The following MARCHF1 variants were observed in gnomAD, a reference collection of about 807,000 sequenced individuals.
The protein encoded by MARCHF1 is E3 ubiquitin-protein ligase MARCHF1.
MARCHF1 carries 40 observed loss-of-function variants against 54.2 expected under a neutral mutation model. The ratio of observed to expected loss-of-function variants is 0.74; its 90% CI spans 0.57 to 0.96. The LOEUF (loss-of-function observed/expected upper bound fraction) is 0.96. MARCHF1 is among the 40% of genes least tolerant of loss of function. MARCHF1 has a pLI of 0.00. For missense variants in MARCHF1, 586 were observed against 656.5 expected (o/e 0.89, Z 1.17); for synonymous variants, 236 against 236.3 (o/e 1.00, Z 0.01).
At chr4:164,055,745 A>T (rs1404474964) in intron 2 of MARCHF1, among the ~76,000 whole-genome samples, 1 of 152,200 alleles carries the variant, frequency 6.6e-6, no homozygotes, top group Non-Finnish European at 1.5e-5. Context: ...TAGATGCTCT[A>T]CAGTAAAATG....
chr4:164,330,008 A>T (rs1282714109), intron 1 of MARCHF1: 1 of 152,202 alleles, frequency 6.6e-6, no homozygotes, highest in Non-Finnish European at 1.5e-5. Context: ...TGCCAGCTAC[A>T]AGTTACCAGA....
chr4:163,956,868 T>C (rs1158761265), intron 3 of MARCHF1, among the ~76,000 whole-genome samples: 3 of 152,100 alleles, frequency 2.0e-5, no homozygotes, highest in African/African-American at 4.8e-5. Flanking sequence ...GTGATAGTTA[T>C]ACATTTAGTC....
intron 3 of MARCHF1, among the ~76,000 whole-genome samples, chr4:163,975,876 G>A (rs1035158987): frequency 6.6e-6 from 1 of 152,088 alleles, no homozygotes; most frequent in Non-Finnish European, 1.5e-5. Flanking sequence ...TGATACACAG[G>A]AAGCCCATAC....
At chr4:163,996,477 G>A (rs1021393452) in intron 2 of MARCHF1, among the ~76,000 whole-genome samples, 11 of 151,946 alleles carry the variant, frequency 7.2e-5, no homozygotes, top group Admixed American at 5.9e-4. Flanking sequence ...AACTACGTAT[G>A]GGCATAGCCA....
chr4:163,950,012 G>C (rs1579415772), intron 3 of MARCHF1, among the ~76,000 whole-genome samples: 1 of 152,170 alleles, frequency 6.6e-6, no homozygotes, highest in East Asian at 1.9e-4. Context: ...GGAAGTGTGT[G>C]CTGATTGGTC....
chr4:163,542,607 T>G (rs969989174), intron 9 of MARCHF1, among the ~76,000 whole-genome samples: 29 of 152,188 alleles, frequency 1.9e-4, no homozygotes, highest in Admixed American at 3.3e-4. Context: ...GGAGGGTAAA[T>G]GCAGGATGCT....
At chr4:163,544,550 C>T (rs959946860) in intron 9 of MARCHF1, among the ~76,000 whole-genome samples, 4 of 152,164 alleles carry the variant, frequency 2.6e-5, no homozygotes, top group Admixed American at 2.0e-4. Context: ...TTGAAATGCT[C>T]AGGGCGGTGC....
intron 4 of MARCHF1, among the ~76,000 whole-genome samples, chr4:163,804,868 C>T (rs1015177096): frequency 6.6e-6 from 1 of 152,192 alleles, no homozygotes; most frequent in Admixed American, 6.6e-5. Flanking sequence ...ATGTACTACT[C>T]TCATTGTTCT....
At chr4:163,999,716 A>G (rs1486936123) in intron 2 of MARCHF1, among the ~76,000 whole-genome samples, 1 of 151,608 alleles carries the variant, frequency 6.6e-6, no homozygotes, top group Non-Finnish European at 1.5e-5. Flanking sequence ...GAGCCAACTC[A>G]TATCTGCCAA....
chr4:164,341,325 T>TTTC (rs1729922930), intron 1 of MARCHF1, among the ~76,000 whole-genome samples: 1 of 150,848 alleles, frequency 6.6e-6, no homozygotes, highest in Non-Finnish European at 1.5e-5. Context: ...GCTGAAAGCC[T>TTTC]TTCTTCTAAG....
At chr4:163,782,490 G>A (rs1352828525) in intron 4 of MARCHF1, among the ~76,000 whole-genome samples, 2 of 151,956 alleles carry the variant, frequency 1.3e-5, no homozygotes, top group African/African-American at 4.8e-5. Context: ...GGCCAATATA[G>A]TGAAACCCCG....
In MARCHF1 at chr4:164,001,372, C is replaced by A. The variant is rs548850726; in HGVS notation, c.-247-12663G>T. 4.1e-4 allele frequency among the ~76,000 whole-genome samples: 62 copies of A among 151,776 alleles called. 1 individual carries two copies. The highest frequency in any genetic ancestry group is 7.7e-4 in the Non-Finnish European group (52 of 67,768). On this transcript the variant is annotated intron_variant, in intron 2 of 9. Coordinates refer to ENST00000514618, the MANE Select transcript of MARCHF1 (RefSeq NM_001394959.1). ...AAACACCTAGGAAGAGAATGGAAAT[C>A]ATAAAATCAGGTAATAATATAAGAG... is the stretch of plus-strand genomic sequence containing the variant.
intron 2 of MARCHF1, among the ~76,000 whole-genome samples, chr4:164,084,110 C>A (rs1237832861): frequency 6.6e-6 from 1 of 151,884 alleles, no homozygotes; most frequent in Non-Finnish European, 1.5e-5. Context: ...ATTTCATAGG[C>A]AAACAAATCG....
intron 2 of MARCHF1, among the ~76,000 whole-genome samples, chr4:164,033,927 T>C (rs1232957720): frequency 6.6e-6 from 1 of 152,170 alleles, no homozygotes; most frequent in Non-Finnish European, 1.5e-5. Context: ...TTACTGGGTA[T>C]ATACCCAAAG....
At chr4:163,804,105 G>A (rs1748160210) in intron 4 of MARCHF1, among the ~76,000 whole-genome samples, 1 of 152,184 alleles carries the variant, frequency 6.6e-6, no homozygotes, top group Admixed American at 6.5e-5. Flanking sequence ...GAAATGATCT[G>A]TTAAAGAACT....
Position 163,592,767 on chromosome 4 carries a change from C to T in MARCHF1, c.1011-6838G>A, listed in dbSNP as rs140579931. ...TTCTGCTTGGGACTGAGGATTCCCA[C>T]TGAGATTCTATTATCATCTAGCCTA... On this transcript the variant is annotated intron_variant, in intron 7 of 9. Coordinates refer to ENST00000514618, the MANE Select transcript of MARCHF1 (RefSeq NM_001394959.1). Among the ~76,000 whole-genome samples, 252 of 152,168 alleles carry T rather than the reference C, an allele frequency of 1.7e-3. 1 individual carries two copies. Among genetic ancestry groups the T allele is most frequent in the African/African-American group, 5.6e-3 (232 of 41,526 alleles).
intron 3 of MARCHF1, among the ~76,000 whole-genome samples, chr4:163,929,731 ACTC>A (rs917543303): frequency 6.7e-6 from 1 of 149,506 alleles, no homozygotes; most frequent in African/African-American, 2.5e-5. Context: ...ATAACCATCT[ACTC>A]CTCAGGTTAA....
chr4:164,210,160 G>T (rs1397572157), intron 1 of MARCHF1, among the ~76,000 whole-genome samples: 1 of 152,132 alleles, frequency 6.6e-6, no homozygotes, highest in African/African-American at 2.4e-5. Flanking sequence ...TCACTGGAAA[G>T]AGGCAAAAGT....
At chr4:163,791,049 CAAT>C (rs1747761591) in intron 4 of MARCHF1, among the ~76,000 whole-genome samples, 1 of 152,076 alleles carries the variant, frequency 6.6e-6, no homozygotes, top group Non-Finnish European at 1.5e-5. Context: ...GCTATTCCAA[CAAT>C]GAGTTTAGAA....
Sources: gnomAD v4.1 joint callset for allele counts (sites outside exome capture counted in the v4.1 genomes callset) on GRCh38, gnomAD v4.1.1 for gene constraint, MANE v1.5 for transcripts, NCBI Gene and HGNC (gene_info 2026-07-23, HGNC 2026-07-21) for gene names.